The following MARCHF5 variants were observed in gnomAD, a reference collection of about 807,000 sequenced individuals.
MARCHF5 encodes membrane associated ring-CH-type finger 5.
In MARCHF5, 5 loss-of-function variants were observed where a neutral mutation model predicts 36.5. The ratio of observed to expected loss-of-function variants is 0.14; its 90% CI spans 0.07 to 0.29. The LOEUF (loss-of-function observed/expected upper bound fraction) is 0.29. MARCHF5 is among the 10% of genes least tolerant of loss of function. The probability of loss-of-function intolerance (pLI) is 1.00; values close to 1 mark genes in which losing one functional copy is unlikely to be tolerated. For missense variants in MARCHF5, 179 were observed against 336.3 expected (o/e 0.53, Z 3.66); for synonymous variants, 103 against 109.9 (o/e 0.94, Z 0.39).
intron 3 of MARCHF5, among the ~76,000 whole-genome samples, chr10:92,342,210 G>A (rs577143196): frequency 4.9e-4 from 74 of 150,748 alleles, no homozygotes; most frequent in Non-Finnish European, 8.6e-4. Context: ...GAGTACAGTG[G>A]CGCAATCAAG....
At chr10:92,308,709 T>G (rs1590649775) in intron 1 of MARCHF5, 2 of 500 alleles carry the variant, frequency 4.0e-3, no homozygotes, top group African/African-American at 4.5e-3. Flanking sequence ...TGTTTTTTGT[T>G]TTTTTTTTTT....
rs144378213 is a variant in MARCHF5 at position 92,342,886 on chromosome 10, A to G, written c.369+2083A>G. Among the ~76,000 whole-genome samples the G allele has an allele frequency of 6.8e-4, 104 of 152,362 alleles. No homozygotes were observed. In the East Asian group the frequency reaches 0.019, roughly 27 times the overall value. ...TTTTACCTAATATTCCAGGAACTGC[A>G]TATGTATCTATGCCAGGGTCAAACC... On this transcript the variant is annotated intron_variant, in intron 3 of 5. Coordinates refer to ENST00000358935, the MANE Select transcript of MARCHF5 (RefSeq NM_017824.5).
At position 92,351,932 on chromosome 10, in the gene MARCHF5, G is replaced by GTGTGTGTGTGTATT. The variant is rs1843719800; in HGVS notation, c.*732_*733insGTGTATTTGTGTGT. On this transcript the variant is annotated 3_prime_UTR_variant, in exon 6 of 6. Transcript: ENST00000358935. ...TGTGTGTGTGTGTGTGTGTGTGTGT[G>GTGTGTGTGTGTATT]TGTGTGTATTTGTGTGTTTCAGTGT... The GTGTGTGTGTGTATT allele has an allele frequency of 2.0e-5, 3 of 149,046 alleles. No homozygotes were observed. Among genetic ancestry groups the GTGTGTGTGTGTATT allele is most frequent in the Non-Finnish European group, 4.5e-5 (3 of 66,260 alleles). 9.2% of individuals were successfully genotyped at this position (149,046 alleles called of 1,614,324 possible).
chr10:92,309,442 G>A (rs1177389489), intron 1 of MARCHF5, among the ~76,000 whole-genome samples: 1 of 152,096 alleles, frequency 6.6e-6, no homozygotes, highest in Non-Finnish European at 1.5e-5. Flanking sequence ...TTTAAAATGT[G>A]ATTCACCATA....
At chr10:92,294,258 G>A (rs982810364) in intron 1 of MARCHF5, among the ~76,000 whole-genome samples, 12 of 152,122 alleles carry the variant, frequency 7.9e-5, no homozygotes, top group African/African-American at 2.7e-4. Flanking sequence ...CTAGCTATGT[G>A]ACTTTGAACT....
intron 3 of MARCHF5, among the ~76,000 whole-genome samples, chr10:92,347,523 T>TAGATAGATGATAGATAGATA (rs58664499): frequency 5.8e-5 from 5 of 86,928 alleles, no homozygotes; most frequent in East Asian, 3.2e-4. Flanking sequence ...GATAGATAGA[T>TAGATAGATGATAGATAGATA]GATAGATATA....
intron 3 of MARCHF5, among the ~76,000 whole-genome samples, chr10:92,346,031 C>T (rs1204091673): frequency 3.3e-5 from 5 of 152,066 alleles, no homozygotes; most frequent in Non-Finnish European, 7.4e-5. Flanking sequence ...CTTAGACATT[C>T]TATATAATTC....
intron 1 of MARCHF5, among the ~76,000 whole-genome samples, chr10:92,300,132 GCC>G (rs1842995253): frequency 6.7e-6 from 1 of 150,364 alleles, no homozygotes; most frequent in East Asian, 1.9e-4. Flanking sequence ...CTGCACTCCA[GCC>G]TGGGTATAAC....
At chr10:92,300,071 G>A (rs1364336442) in intron 1 of MARCHF5, among the ~76,000 whole-genome samples, 2 of 151,876 alleles carry the variant, frequency 1.3e-5, no homozygotes, top group Non-Finnish European at 2.9e-5. Context: ...TGAAGCGGGA[G>A]GTTCACTTGA....
rs1843719909 is a variant in MARCHF5, at chr10:92,351,934, G to GTGTGTGTGTA, written c.*732_*733insGTGTATGTGT. ...TGTGTGTGTGTGTGTGTGTGTGTGT[G>GTGTGTGTGTA]TGTGTATTTGTGTGTTTCAGTGTTT... On this transcript the variant is annotated 3_prime_UTR_variant, in exon 6 of 6. Transcript: ENST00000358935. 6.6e-6 allele frequency: 1 copy of GTGTGTGTGTA among 151,202 alleles called. No homozygotes were observed. The allele number at this position is 151,202 out of a possible 1,614,324, so 9.4% of individuals were successfully genotyped here.
chr10:92,333,815 A>G (rs1276215956), intron 2 of MARCHF5, among the ~76,000 whole-genome samples: 2 of 152,150 alleles, frequency 1.3e-5, no homozygotes, highest in African/African-American at 4.8e-5. Context: ...GAAAGTTTAT[A>G]TTGTTAAACT....
intron 1 of MARCHF5, among the ~76,000 whole-genome samples, chr10:92,304,438 T>G (rs1047764345): frequency 6.6e-6 from 1 of 152,174 alleles, no homozygotes; most frequent in Non-Finnish European, 1.5e-5. Flanking sequence ...CTCAGAATGT[T>G]TTTGAAAGAA....
At chr10:92,307,569 AATTTT>A (rs1843091386) in intron 1 of MARCHF5, among the ~76,000 whole-genome samples, 1 of 151,450 alleles carries the variant, frequency 6.6e-6, no homozygotes, top group Non-Finnish European at 1.5e-5. Context: ...CTAAAAAAAA[AATTTT>A]TTTTTAATTA....
intron 1 of MARCHF5, among the ~76,000 whole-genome samples, chr10:92,309,036 G>A (rs912797655): frequency 1.3e-5 from 2 of 152,100 alleles, no homozygotes; most frequent in Admixed American, 6.6e-5. Context: ...GTTCTAAAAA[G>A]TAAATCTGTA....
intron 3 of MARCHF5, among the ~76,000 whole-genome samples, chr10:92,345,941 C>G (rs1843638936): frequency 6.6e-6 from 1 of 152,160 alleles, no homozygotes; most frequent in Admixed American, 6.6e-5. Context: ...CCACCTACCT[C>G]AGCCTCCCAA....
intron 3 of MARCHF5, among the ~76,000 whole-genome samples, chr10:92,345,235 G>T (rs1307831194): frequency 6.6e-6 from 1 of 152,020 alleles, no homozygotes; most frequent in African/African-American, 2.4e-5. Flanking sequence ...TTCTGGCCAG[G>T]TGCTGTAGCT....
chr10:92,347,205 C>T (rs866018740), intron 3 of MARCHF5, among the ~76,000 whole-genome samples: 1 of 151,924 alleles, frequency 6.6e-6, no homozygotes, highest in South Asian at 2.1e-4. Flanking sequence ...ATTTCCTGGC[C>T]GGGCGTGGTG....
chr10:92,313,332 C>T (rs1054296303), intron 2 of MARCHF5, among the ~76,000 whole-genome samples: 68 of 150,044 alleles, frequency 4.5e-4, no homozygotes, highest in African/African-American at 1.7e-3. Context: ...GGGCCGGGCG[C>T]GGTGGCTCAC....
At chr10:92,297,448 G>A (rs1168269269) in intron 1 of MARCHF5, among the ~76,000 whole-genome samples, 4 of 151,176 alleles carry the variant, frequency 2.6e-5, no homozygotes, top group African/African-American at 7.3e-5. Context: ...CAAAGTGGGG[G>A]ACTACAGGTG....
Sources: allele counts gnomAD v4.1 joint callset (sites outside exome capture counted in the v4.1 genomes callset), GRCh38; gene constraint gnomAD v4.1.1; transcripts MANE v1.5; gene names NCBI Gene and HGNC (gene_info 2026-07-23, HGNC 2026-07-21).